Variants in C9 observed in about 807,000 individuals in gnomAD.
The protein encoded by C9 is complement component C9.
Under a neutral mutation model 65.4 loss-of-function variants are expected in C9, and 63 were observed. The observed-to-expected ratio is 0.96, with a 90% CI of 0.79 to 1.19. The LOEUF (loss-of-function observed/expected upper bound fraction) is 1.19. C9 is among the 50% of genes most tolerant of loss of function. C9 has a pLI of 0.00. For synonymous variants in C9, 229 were observed against 227.9 expected, an observed-to-expected ratio of 1.00 and a Z score of -0.04; for missense variants, 744 against 670.1, an observed-to-expected ratio of 1.11 and a Z score of -1.22.
intron 9 of C9, among the ~76,000 whole-genome samples, chr5:39,290,090 C>A (rs147718605): frequency 4.3e-4 from 65 of 151,850 alleles, no homozygotes; most frequent in African/African-American, 1.5e-3. Flanking sequence ...GGTGTCAAGG[C>A]AGAGAGAAGA....
intron 7 of C9, among the ~76,000 whole-genome samples, chr5:39,308,996 C>A (rs911713867): frequency 3.3e-5 from 5 of 152,102 alleles, no homozygotes; most frequent in Non-Finnish European, 5.9e-5. Context: ...TCGCTTTGGA[C>A]AGATGGCTGA....
intron 1 of C9, among the ~76,000 whole-genome samples, chr5:39,343,486 C>T (rs1030934401): frequency 3.9e-5 from 6 of 152,300 alleles, no homozygotes; most frequent in South Asian, 2.1e-4. Context: ...GAGGGGCGCC[C>T]GCCATTGCTG....
At chr5:39,302,536 T>A (rs367913054) in intron 9 of C9, among the ~76,000 whole-genome samples, 20 of 152,266 alleles carry the variant, frequency 1.3e-4, no homozygotes, top group African/African-American at 4.6e-4. Flanking sequence ...AAAATATTGA[T>A]GCTCTTTAAC....
At chr5:39,306,092 G>A (rs1439556155) in intron 9 of C9, among the ~76,000 whole-genome samples, 2 of 151,140 alleles carry the variant, frequency 1.3e-5, no homozygotes, top group Non-Finnish European at 2.9e-5. Context: ...GAACTCGGAA[G>A]GCGGAGGTTG....
chr5:39,285,776 A>T (rs994895941), intron 10 of C9, among the ~76,000 whole-genome samples: 2 of 151,448 alleles, frequency 1.3e-5, no homozygotes, highest in African/African-American at 2.4e-5. Flanking sequence ...TTGGTCTAGG[A>T]GTAGAAACGC....
rs374868548 is a variant in C9, at chr5:39,316,832, G to C, written c.616-803C>G. 9.2e-5 allele frequency among the ~76,000 whole-genome samples: 14 copies of C among 152,158 alleles called. No homozygotes were observed. The South Asian group carries it at 2.9e-3, about 32-fold the overall frequency. On this transcript the variant is annotated intron_variant, in intron 5 of 10. Transcript: ENST00000263408. ...TATGCATGCATGTATCTTTATAATAGAATGATTTCTATTCTTTTGGATATA... is the reference window on the plus strand; with the variant it reads ...TATGCATGCATGTATCTTTATAATACAATGATTTCTATTCTTTTGGATATA...
In C9 at chr5:39,298,534, A is replaced by G. The variant is rs191152066; in HGVS notation, c.1416+8083T>C. ...TTAATAAAATGGAAAAATTCCTTGA[A>G]AGACAATTGATAAAAACTGAATCAG... On this transcript the variant is annotated intron_variant, in intron 9 of 10. Coordinates refer to ENST00000263408, the MANE Select transcript of C9 (RefSeq NM_001737.5). 2.0e-5 allele frequency among the ~76,000 whole-genome samples: 3 copies of G among 151,848 alleles called. No individual in the cohort carries two copies. In the East Asian group the frequency reaches 5.8e-4, roughly 29 times the overall value.
chr5:39,304,999 T>C (rs1753347941), intron 9 of C9, among the ~76,000 whole-genome samples: 1 of 152,180 alleles, frequency 6.6e-6, no homozygotes, highest in African/African-American at 2.4e-5. Flanking sequence ...CTTGAATTTG[T>C]AGAAAGACAG....
At chr5:39,311,526 A>G in intron 6 of C9, 149 bp from the exon 7 acceptor site, 1 of 707,432 alleles carries the variant, frequency 1.4e-6, no homozygotes, top group Admixed American at 2.4e-5. Context: ...GGCTAAATGT[A>G]AAATACTATC....
At chr5:39,310,444 C>A (rs1043589456) in intron 7 of C9, among the ~76,000 whole-genome samples, 1 of 152,090 alleles carries the variant, frequency 6.6e-6, no homozygotes, top group Non-Finnish European at 1.5e-5. Context: ...TTACTTTTTT[C>A]TTAAAAGACT....
At chr5:39,346,593 C>T (rs529939388) in intron 1 of C9, among the ~76,000 whole-genome samples, 1 of 152,168 alleles carries the variant, frequency 6.6e-6, no homozygotes, top group Non-Finnish European at 1.5e-5. Flanking sequence ...ACCAGAGGTA[C>T]AAGGAGGAGC....
chr5:39,346,614 C>G (rs1340637780), intron 1 of C9, among the ~76,000 whole-genome samples: 1 of 152,206 alleles, frequency 6.6e-6, no homozygotes, highest in Non-Finnish European at 1.5e-5. Flanking sequence ...TGCTACCACT[C>G]TTTCTGAAAC....
At chr5:39,287,551 T>C (rs888805886) in intron 10 of C9, among the ~76,000 whole-genome samples, 2 of 152,008 alleles carry the variant, frequency 1.3e-5, no homozygotes, top group Non-Finnish European at 1.5e-5. Context: ...ATATTTACAA[T>C]AGCAAAGTCA....
At chr5:39,332,225 T>C (rs1039846722) in intron 4 of C9, among the ~76,000 whole-genome samples, 3 of 152,312 alleles carry the variant, frequency 2.0e-5, no homozygotes, top group Admixed American at 2.0e-4. Context: ...ATATAACATG[T>C]GCATGTAATT....
At chr5:39,329,772 A>G (rs1753811335) in intron 5 of C9, among the ~76,000 whole-genome samples, 1 of 152,200 alleles carries the variant, frequency 6.6e-6, no homozygotes, top group Non-Finnish European at 1.5e-5. Flanking sequence ...TATAATATGT[A>G]TAATTTGCCT....
At chr5:39,325,367 G>C (rs1753730049) in intron 5 of C9, among the ~76,000 whole-genome samples, 2 of 152,242 alleles carry the variant, frequency 1.3e-5, no homozygotes, top group South Asian at 4.1e-4. Context: ...ATTATCTATA[G>C]AATATTTTTT....
intron 5 of C9, among the ~76,000 whole-genome samples, chr5:39,319,220 C>A (rs1265862524): frequency 6.6e-6 from 1 of 152,206 alleles, no homozygotes; most frequent in East Asian, 1.9e-4. Flanking sequence ...TTGCTACAAG[C>A]TTTTCTGGCT....
intron 4 of C9, among the ~76,000 whole-genome samples, chr5:39,334,710 C>T (rs13176373): frequency 0.22 from 33,192 of 149,784 alleles, 4,504 homozygotes; most frequent in Non-Finnish European, 0.31. Context: ...GTCAGCCCCC[C>T]GCCTGGCCAG....
intron 4 of C9, 28 bp from the exon 5 acceptor site, chr5:39,331,842 G>A (rs368945549): frequency 1.1e-5 from 18 of 1,607,878 alleles, no homozygotes; most frequent in East Asian, 2.2e-5. Flanking sequence ...AGTATCAGAA[G>A]TGGAAATACC....
Sources: allele counts gnomAD v4.1 joint callset (sites outside exome capture counted in the v4.1 genomes callset), GRCh38; gene constraint gnomAD v4.1.1; transcripts MANE v1.5; gene names NCBI Gene and HGNC (gene_info 2026-07-23, HGNC 2026-07-21).